The following MYO15B variants were observed in gnomAD, a reference collection of about 807,000 sequenced individuals.
MYO15B encodes the protein myosin XVB pseudogene.
Under a neutral mutation model 119.3 loss-of-function variants are expected in MYO15B, and 207 were observed. The observed-to-expected ratio is 1.73, with a 90% CI of 1.55 to 1.95. The LOEUF (loss-of-function observed/expected upper bound fraction) is 1.95. Ranked by LOEUF, MYO15B falls within the 30% of genes most tolerant of loss-of-function variation. MYO15B has a pLI of 0.00. For missense variants in MYO15B, 2,264 were observed against 1,203.1 expected (o/e 1.88, Z -13.04); for synonymous variants, 966 against 498.9 (o/e 1.94, Z -12.48).
intron 22 of MYO15B, among the ~76,000 whole-genome samples, chr17:75,610,542 G>A (rs990409799): frequency 7.2e-5 from 11 of 152,124 alleles, no homozygotes; most frequent in African/African-American, 1.4e-4. Flanking sequence ...GGCCCCGTCC[G>A]CTCCCCTCTT....
exon 52 of MYO15B, chr17:75,621,509 C>T: frequency 1.4e-6 from 1 of 702,206 alleles, no homozygotes; most frequent in Non-Finnish European, 2.6e-6. Flanking sequence ...AGGCTCCCAT[C>T]CAGGAGTCGC....
At chr17:75,615,510 G>A in exon 35 of MYO15B, 2 of 695,716 alleles carry the variant, frequency 2.9e-6, no homozygotes, top group South Asian at 1.5e-5. Flanking sequence ...CAGCCATGGT[G>A]GTGCCGCCGC....
At chr17:75,626,037 C>T in intron 62 of MYO15B, 51 bp from the exon 63 acceptor site, 1 of 697,538 alleles carries the variant, frequency 1.4e-6, no homozygotes, top group South Asian at 1.5e-5. Context: ...CCATCACCCA[C>T]AATGACCCCT....
At chr17:75,590,938 A>G (rs1373787489) in exon 3 of MYO15B, 2 of 532,084 alleles carry the variant, frequency 3.8e-6, no homozygotes, top group East Asian at 6.5e-5. Flanking sequence ...CTTGTTCTGA[A>G]CCCCCACCGG....
intron 19 of MYO15B, among the ~76,000 whole-genome samples, chr17:75,604,316 G>A (rs2147878442): frequency 6.6e-6 from 1 of 152,214 alleles, no homozygotes; most frequent in East Asian, 1.9e-4. Context: ...ATGCACTGTG[G>A]CATCCCGTGA....
chr17:75,592,485 A>G (rs1000436977), exon 8 of MYO15B: 3 of 610,548 alleles, frequency 4.9e-6, no homozygotes, highest in African/African-American at 1.8e-5. Flanking sequence ...GCTGGACTCC[A>G]TAGAGCGGGA....
rs1325530622 is a variant in MYO15B, at chr17:75,589,783, G to C, written c.1726G>C (p.Gly576Arg). The change falls in exon 1 of 64, where the codon GGT becomes CGT. Residue 576 changes from glycine (G) to arginine (R), a missense_variant. Transcript: ENST00000645453. The surrounding 1 kb of genome is among the most constrained non-coding windows in gnomAD (Gnocchi z 4.2). Reference sequence around the variant, plus strand: ...AGATGCCCCCACGGGGGAAGGCCGAGGTTGGCCTCGTGCAGGGGTGGGGGG... The same window carrying C: ...AGATGCCCCCACGGGGGAAGGCCGACGTTGGCCTCGTGCAGGGGTGGGGGG... The C allele has an allele frequency of 2.5e-6, 1 of 398,618 alleles. No individual in the cohort carries two copies. Among genetic ancestry groups the C allele is most frequent in the Non-Finnish European group, 4.4e-6 (1 of 226,020 alleles). The allele number at this position is 398,618 out of a possible 1,614,324, so 24.7% of individuals were successfully genotyped here.
chr17:75,594,898 A>G (rs773883857), exon 12 of MYO15B: 14 of 702,896 alleles, frequency 2.0e-5, no homozygotes, highest in Non-Finnish European at 3.1e-5. Flanking sequence ...GAGGAGAACC[A>G]ATGCACGGCT....
At position 75,613,477 on chromosome 17, in the gene MYO15B, G is replaced by C. The variant is rs1377880000; in HGVS notation, c.5146+6G>C. On this transcript the variant is annotated splice_donor_region_variant and intron_variant, in intron 28 of 63. Transcript: ENST00000645453. ...GGATGTGTTCACCTTCAGCGGTGAG[G>C]GCTGCCTCTGGCTGAGGCCTCCCAG... The C allele has an allele frequency of 1.5e-6, 1 of 671,888 alleles. No individual in the cohort carries two copies. Among genetic ancestry groups the C allele is most frequent in the East Asian group, 2.7e-5 (1 of 37,042 alleles). The allele number at this position is 671,888 out of a possible 1,614,324, so 41.6% of individuals were successfully genotyped here. A position where few individuals can be genotyped will look rare whatever the true frequency, so the allele number is the denominator to read the frequency against.
rs1357242194 is a variant in MYO15B at position 75,589,922 on chromosome 17, G to A, written c.1865G>A (p.Ser622Asn). The A allele has an allele frequency of 2.5e-6, 1 of 398,564 alleles. No individual in the cohort carries two copies. The highest frequency in any genetic ancestry group is 4.4e-6 in the Non-Finnish European group (1 of 226,024). 24.7% of individuals were successfully genotyped at this position (398,564 alleles called of 1,614,324 possible). ...TCCCTCGACGAGAGCGGCTCCAGCA[G>A]TGAGGCGGAGTTGGAGACCCTCAAT... Residue 622 changes from serine (S) to asparagine (N), a missense_variant, in exon 1 of 64, where the codon AGT becomes AAT. By Grantham distance (46) the Ser-to-Asn change is conservative (BLOSUM62 1). Coordinates refer to ENST00000645453, the Ensembl canonical transcript of MYO15B. This position sits in a 1 kb window ranked among gnomAD's most constrained non-coding sequence, Gnocchi z 4.2.
chr17:75,593,849 G>T (rs1368235393), intron 9 of MYO15B, among the ~76,000 whole-genome samples: 7 of 151,898 alleles, frequency 4.6e-5, no homozygotes, highest in African/African-American at 1.7e-4. Context: ...AACCTGGGAG[G>T]TGGAGGTTGC....
At chr17:75,599,287 T>G (rs2057085744) in intron 14 of MYO15B, among the ~76,000 whole-genome samples, 2 of 151,888 alleles carry the variant, frequency 1.3e-5, no homozygotes, top group Non-Finnish European at 2.9e-5. Context: ...TGATTTTTTT[T>G]TTTTTTTGAG....
exon 1 of MYO15B, chr17:75,588,102 C>T (rs1369001898): frequency 1.0e-5 from 4 of 398,180 alleles, no homozygotes; most frequent in South Asian, 1.3e-4. Flanking sequence ...TGGAGAGGCC[C>T]GGGAGGCCGG....
intron 12 of MYO15B, among the ~76,000 whole-genome samples, chr17:75,595,679 G>A (rs1467491749): frequency 6.6e-6 from 1 of 152,208 alleles, no homozygotes; most frequent in African/African-American, 2.4e-5. Flanking sequence ...CCGTGGCCTT[G>A]TAGAGACGCA....
chr17:75,612,730 T>A (rs2058104365), intron 25 of MYO15B, 68 bp from the exon 26 acceptor site: 1 of 696,632 alleles, frequency 1.4e-6, no homozygotes, highest in Non-Finnish European at 2.6e-6. Flanking sequence ...AGGTGCCTGC[T>A]CCGGTGGGGC....
At chr17:75,591,505 G>T in intron 4 of MYO15B, 96 bp from the exon 5 acceptor site, 2 of 687,514 alleles carry the variant, frequency 2.9e-6, no homozygotes, top group South Asian at 3.1e-5. Flanking sequence ...CTCCAGGCTA[G>T]CTGTCACTTC....
At chr17:75,595,897 C>A (rs1259803972) in intron 12 of MYO15B, among the ~76,000 whole-genome samples, 1 of 152,196 alleles carries the variant, frequency 6.6e-6, no homozygotes, top group Non-Finnish European at 1.5e-5. Context: ...GCCCTCAGTC[C>A]CTGGACGGGC....
exon 1 of MYO15B, among the ~76,000 whole-genome samples, chr17:75,587,825 C>T (rs1384929329): frequency 6.6e-6 from 1 of 152,266 alleles, no homozygotes; most frequent in Admixed American, 6.5e-5. Flanking sequence ...GCAGCTGTAG[C>T]GTCTCCTGTT....
chr17:75,590,503 A>G, intron 1 of MYO15B, 123 bp from the exon 2 acceptor site: 1 of 376,842 alleles, frequency 2.7e-6, no homozygotes, highest in Non-Finnish European at 4.7e-6. Context: ...CTCAGCCCCC[A>G]TTTTATGGAT....
Sources: allele counts gnomAD v4.1 joint callset (sites outside exome capture counted in the v4.1 genomes callset), GRCh38; gene constraint gnomAD v4.1.1; non-coding constraint Gnocchi (gnomAD v3.1); transcripts MANE v1.5; gene names NCBI Gene and HGNC (gene_info 2026-07-23, HGNC 2026-07-21).